SLIT2: variants seen among roughly 807,000 people sequenced by gnomAD.
SLIT2 encodes slit homolog 2 protein.
SLIT2 carries 41 observed loss-of-function variants against 185.7 expected under a neutral mutation model. The ratio of observed to expected loss-of-function variants is 0.22; its 90% CI spans 0.17 to 0.29. The LOEUF (loss-of-function observed/expected upper bound fraction) is 0.29, where lower values mean the gene tolerates loss of function less well. Among genes scored for constraint, SLIT2 ranks in the 10% least tolerant of loss-of-function variants. The probability of loss-of-function intolerance (pLI) is 1.00; values close to 1 mark genes in which losing one functional copy is unlikely to be tolerated. For missense variants in SLIT2, 1,571 were observed against 1,909.0 expected, an observed-to-expected ratio of 0.82 and a Z score of 3.30; for synonymous variants, 693 against 680.2, an observed-to-expected ratio of 1.02 and a Z score of -0.29.
chr4:20,307,089 C>T (rs1165816052), intron 4 of SLIT2, among the ~76,000 whole-genome samples: 7 of 140,966 alleles, frequency 5.0e-5, no homozygotes, highest in Non-Finnish European at 9.3e-5. Context: ...ATCCCTCCAC[C>T]CGCTCTATTT....
At chr4:20,299,961 A>G (rs1310032628) in intron 4 of SLIT2, among the ~76,000 whole-genome samples, 1 of 128,658 alleles carries the variant, frequency 7.8e-6, no homozygotes, top group Non-Finnish European at 1.7e-5. Flanking sequence ...TTTAAAATGT[A>G]TGATATCATC....
intron 16 of SLIT2, 83 bp from the exon 17 acceptor site, chr4:20,531,901 T>C: frequency 1.4e-6 from 1 of 723,958 alleles, no homozygotes; most frequent in South Asian, 1.8e-5. Flanking sequence ...TTAAATAATG[T>C]TAGAATTCAT....
At chr4:20,562,594 C>T (rs1724784488) in intron 26 of SLIT2, among the ~76,000 whole-genome samples, 1 of 151,736 alleles carries the variant, frequency 6.6e-6, no homozygotes, top group African/African-American at 2.4e-5. Context: ...TTTCACTTGT[C>T]TTTGGTCTCT....
chr4:20,606,523 T>G (rs1728810037), intron 33 of SLIT2, among the ~76,000 whole-genome samples: 1 of 152,050 alleles, frequency 6.6e-6, no homozygotes, highest in African/African-American at 2.4e-5. Flanking sequence ...TTTACTGTAC[T>G]TACCTGTTAA....
intron 3 of SLIT2, among the ~76,000 whole-genome samples, chr4:20,265,777 T>C (rs1172725023): frequency 6.6e-6 from 1 of 152,000 alleles, no homozygotes; most frequent in African/African-American, 2.4e-5. Flanking sequence ...GCTTAGTTCA[T>C]AGATATTTAA....
chr4:20,416,234 G>A (rs1727672853), intron 4 of SLIT2, among the ~76,000 whole-genome samples: 1 of 152,174 alleles, frequency 6.6e-6, no homozygotes, highest in African/African-American at 2.4e-5. Context: ...TCTGGAGGCT[G>A]GAAATCCAAG....
chr4:20,512,563 C>A (rs1560489286), intron 11 of SLIT2, among the ~76,000 whole-genome samples: 1 of 152,110 alleles, frequency 6.6e-6, no homozygotes, highest in African/African-American at 2.4e-5. Context: ...TGCTCTCAGG[C>A]TGTACTGTCA....
At chr4:20,533,823 C>CT (rs879788491) in intron 18 of SLIT2, 108 bp downstream of exon 18, 105 of 860,686 alleles carry the variant, frequency 1.2e-4, no homozygotes, top group Non-Finnish European at 1.8e-4. Flanking sequence ...CCCACTCCCT[C>CT]TATCTCTTTC....
chr4:20,496,177 T>C (rs1257231769), intron 9 of SLIT2, among the ~76,000 whole-genome samples: 2 of 152,214 alleles, frequency 1.3e-5, no homozygotes, highest in African/African-American at 4.8e-5. Flanking sequence ...ATATGAGTGA[T>C]CAACTGCCTA....
intron 4 of SLIT2, among the ~76,000 whole-genome samples, chr4:20,377,649 A>G (rs1028299350): frequency 6.6e-6 from 1 of 152,116 alleles, no homozygotes; most frequent in Non-Finnish European, 1.5e-5. Flanking sequence ...TAACAATGGA[A>G]ACCTAAAATG....
intron 4 of SLIT2, among the ~76,000 whole-genome samples, chr4:20,363,296 C>T (rs539305095): frequency 1.5e-4 from 23 of 152,124 alleles, no homozygotes; most frequent in African/African-American, 5.1e-4. Context: ...GCCAGAATGC[C>T]ATTTTGAAAA....
chr4:20,279,034 G>T (rs1327529346), intron 4 of SLIT2, among the ~76,000 whole-genome samples: 1 of 151,952 alleles, frequency 6.6e-6, no homozygotes, highest in East Asian at 1.9e-4. Context: ...TCTCTGCTCA[G>T]AAACTAAAAA....
At chr4:20,513,400 T>C (rs1719925925) in intron 11 of SLIT2, among the ~76,000 whole-genome samples, 1 of 152,242 alleles carries the variant, frequency 6.6e-6, no homozygotes, top group South Asian at 2.1e-4. Flanking sequence ...CTGGTCACGT[T>C]CACAGTTTGA....
intron 26 of SLIT2, among the ~76,000 whole-genome samples, chr4:20,566,913 A>G (rs1014893749): frequency 2.0e-5 from 3 of 152,152 alleles, no homozygotes; most frequent in South Asian, 4.1e-4. Context: ...CATGTCCATG[A>G]AGCAGGAGGA....
rs565235182 is a variant in SLIT2, at chr4:20,280,824, T to TA, written c.395+11950dup. Among the ~76,000 whole-genome samples the TA allele has an allele frequency of 4.4e-3, 659 of 150,490 alleles. 5 individuals are homozygous for TA. Among genetic ancestry groups the TA allele is most frequent in the Non-Finnish European group, 5.1e-3 (344 of 67,676 alleles). ...ATGTGAATTGTTTGAAGGCTTATAT[T>TA]AAAAAAATGTTTTTTTTTTTTTTTT... On this transcript the variant is annotated intron_variant, in intron 4 of 36. Coordinates refer to ENST00000504154, the MANE Select transcript of SLIT2 (RefSeq NM_004787.4).
intron 4 of SLIT2, among the ~76,000 whole-genome samples, chr4:20,275,793 CAA>C (rs905335048): frequency 6.6e-6 from 1 of 151,930 alleles, no homozygotes; most frequent in African/African-American, 2.4e-5. Flanking sequence ...CAGATAGAAA[CAA>C]AAAGACTGTG....
chr4:20,555,582 CA>C (rs1029406792), intron 26 of SLIT2, among the ~76,000 whole-genome samples: 3 of 151,568 alleles, frequency 2.0e-5, no homozygotes, highest in Admixed American at 6.6e-5. Flanking sequence ...TTCAAAACAC[CA>C]AAAAAAGGTG....
chr4:20,350,046 G>A (rs943694988), intron 4 of SLIT2, among the ~76,000 whole-genome samples: 3 of 152,144 alleles, frequency 2.0e-5, no homozygotes, highest in African/African-American at 7.2e-5. Flanking sequence ...CAATAAGAGT[G>A]ATTTTTATCC....
intron 18 of SLIT2, among the ~76,000 whole-genome samples, chr4:20,534,543 T>C (rs754180736): frequency 6.6e-6 from 1 of 152,222 alleles, no homozygotes; most frequent in Non-Finnish European, 1.5e-5. Context: ...TATATAATTA[T>C]GTTTGACAAA....
Sources: allele counts gnomAD v4.1 joint callset (sites outside exome capture counted in the v4.1 genomes callset), GRCh38; gene constraint gnomAD v4.1.1; transcripts MANE v1.5; gene names NCBI Gene and HGNC (gene_info 2026-07-23, HGNC 2026-07-21).